COLEC11: variants seen among roughly 807,000 people sequenced by gnomAD.
COLEC11 encodes the protein collectin-11.
In COLEC11, 20 loss-of-function variants were observed where a neutral mutation model predicts 27.3. The ratio of observed to expected loss-of-function variants is 0.73; its 90% CI spans 0.51 to 1.06. The LOEUF (loss-of-function observed/expected upper bound fraction) is 1.06, where lower values mean the gene tolerates loss of function less well. Ranked by LOEUF, COLEC11 falls within the 50% of genes least tolerant of loss-of-function variation. The probability of loss-of-function intolerance (pLI) is 0.00; values close to 1 mark genes in which losing one functional copy is unlikely to be tolerated. For missense variants in COLEC11, 310 were observed against 383.0 expected (o/e 0.81, Z 1.59); for synonymous variants, 163 against 154.7 (o/e 1.05, Z -0.40).
At chr2:3,642,714 T>C (rs1432850410) in intron 5 of COLEC11, among the ~76,000 whole-genome samples, 1 of 152,176 alleles carries the variant, frequency 6.6e-6, no homozygotes, top group Non-Finnish European at 1.5e-5. Flanking sequence ...GATCGCTAGG[T>C]GGTGGGTCTG....
At chr2:3,625,732 A>G (rs7423369) in intron 3 of COLEC11, among the ~76,000 whole-genome samples, 1,635 of 136,518 alleles carry the variant, frequency 0.012, 24 homozygotes, top group African/African-American at 0.042. Flanking sequence ...TCCCGGGTTC[A>G]AGTGATTCTC....
intron 2 of COLEC11, among the ~76,000 whole-genome samples, chr2:3,611,095 C>A (rs1378198835): frequency 6.6e-6 from 1 of 152,258 alleles, no homozygotes; most frequent in Non-Finnish European, 1.5e-5. Flanking sequence ...GCTACTAAAT[C>A]TTCGCAGCCA....
chr2:3,606,893 G>A (rs1407420568), intron 2 of COLEC11, among the ~76,000 whole-genome samples: 1 of 152,218 alleles, frequency 6.6e-6, no homozygotes, highest in African/African-American at 2.4e-5. Context: ...GCGGCACAGT[G>A]CCAGCTTCTA....
chr2:3,640,187 G>A, intron 4 of COLEC11, 91 bp from the exon 5 acceptor site: 1 of 833,070 alleles, frequency 1.2e-6, no homozygotes, highest in Non-Finnish European at 2.1e-6. Context: ...ATAAATCCGC[G>A]AGACAAATCA....
intron 4 of COLEC11, among the ~76,000 whole-genome samples, chr2:3,638,992 A>AAGTT (rs1194542644): frequency 2.7e-4 from 41 of 152,288 alleles, no homozygotes; most frequent in African/African-American, 9.9e-4. Context: ...CAGCCCCGGT[A>AAGTT]ACCTCCAATC....
intron 3 of COLEC11, among the ~76,000 whole-genome samples, chr2:3,614,472 T>C (rs111414962): frequency 0.012 from 1,883 of 152,338 alleles, 18 homozygotes; most frequent in Middle Eastern, 0.027. Context: ...GAGATTACCG[T>C]GCAATCAGTT....
At chr2:3,628,914 C>T (rs1664767774) in intron 3 of COLEC11, among the ~76,000 whole-genome samples, 1 of 152,158 alleles carries the variant, frequency 6.6e-6, no homozygotes, top group Admixed American at 6.5e-5. Context: ...GCGTTCGTGC[C>T]CAGTGTGCCG....
intron 2 of COLEC11, chr2:3,606,331 C>G: frequency 8.5e-7 from 1 of 1,172,248 alleles, no homozygotes; most frequent in South Asian, 1.3e-5. Context: ...TGGGAGGGTC[C>G]TTCCCAGCTG....
rs1038210580 is a variant in COLEC11 at position 3,599,505 on chromosome 2, G to C, written c.-27+4337G>C. 2.6e-5 allele frequency among the ~76,000 whole-genome samples: 4 copies of C among 152,352 alleles called. No individual in the cohort carries two copies. The East Asian group carries it at 5.8e-4, about 22-fold the overall frequency. On this transcript the variant is annotated intron_variant, in intron 1 of 6. Coordinates refer to ENST00000349077, the MANE Select transcript of COLEC11 (RefSeq NM_024027.5). ...ACAGTAGGATCAGGAGCTGCCATTT[G>C]GTGAGCATTTGCTATGTGCCACACT...
intron 1 of COLEC11, 52 bp downstream of exon 1, chr2:3,595,220 G>A (rs140535150): frequency 3.0e-4 from 64 of 212,278 alleles, no homozygotes; most frequent in African/African-American, 1.3e-3. Flanking sequence ...GGCTATGACA[G>A]TGCAGAGGGG....
intron 3 of COLEC11, among the ~76,000 whole-genome samples, chr2:3,626,799 T>C (rs1664588115): frequency 1.3e-5 from 2 of 152,346 alleles, no homozygotes; most frequent in Admixed American, 6.5e-5. Context: ...TTAGGACTTT[T>C]TATACACAAC....
At chr2:3,608,097 C>T (rs1161778139) in intron 2 of COLEC11, among the ~76,000 whole-genome samples, 2 of 152,218 alleles carry the variant, frequency 1.3e-5, no homozygotes, top group Non-Finnish European at 2.9e-5. Flanking sequence ...ATCTTAGGTT[C>T]TCAATAAAAT....
intron 3 of COLEC11, among the ~76,000 whole-genome samples, chr2:3,635,441 G>A (rs886759534): frequency 1.4e-4 from 22 of 152,170 alleles, no homozygotes; most frequent in African/African-American, 4.8e-4. Flanking sequence ...GTCTGATCTC[G>A]CCGCCCTCTT....
At chr2:3,620,842 C>T (rs992757525) in intron 3 of COLEC11, among the ~76,000 whole-genome samples, 7 of 152,112 alleles carry the variant, frequency 4.6e-5, no homozygotes, top group African/African-American at 1.7e-4. Flanking sequence ...TGTGAATTTT[C>T]GTTTTCCTCC....
At chr2:3,607,397 A>G (rs1662809274) in intron 2 of COLEC11, among the ~76,000 whole-genome samples, 1 of 150,764 alleles carries the variant, frequency 6.6e-6, no homozygotes, top group Non-Finnish European at 1.5e-5. Flanking sequence ...TCCCAGAAAT[A>G]TGAAAGGTCA....
At position 3,604,466 on chromosome 2, in the gene COLEC11, C is replaced by A; in HGVS notation, c.126C>A (p.Leu42=). The change falls in exon 2 of 7, where the codon CTC becomes CTA. Residue 42 remains leucine, a synonymous_variant. Transcript: ENST00000349077. The part of the protein sequence containing the change: ...ACSVQILVPG[L]KGDAGEKGDK... ...CTGTGCAGATCCTCGTCCCTGGCCT[C>A]AAAGGTAACCGCTCCCTGGACTCTG... The A allele has an allele frequency of 6.2e-7, 1 of 1,614,078 alleles. No homozygotes were observed. Among genetic ancestry groups the A allele is most frequent in the Non-Finnish European group, 8.5e-7 (1 of 1,180,038 alleles).
intron 3 of COLEC11, among the ~76,000 whole-genome samples, chr2:3,631,612 T>C (rs1045171022): frequency 6.6e-6 from 1 of 152,106 alleles, no homozygotes; most frequent in Non-Finnish European, 1.5e-5. Context: ...TTGGGCCACC[T>C]GTAGCCACCC....
chr2:3,631,312 G>T lies in COLEC11; in HGVS notation c.203-6221G>T, dbSNP rs1186586402. Among the ~76,000 whole-genome samples, 5 of 152,242 alleles carry T rather than the reference G, an allele frequency of 3.3e-5. No individual in the cohort carries two copies. In the East Asian group the frequency reaches 9.6e-4, roughly 29 times the overall value. Reference sequence around the variant, plus strand: ...AACAGTAAAGCAAAGCAGACTGGCCGAGAGCGAAGGTCATGGCAACAGGTT... The same window carrying T: ...AACAGTAAAGCAAAGCAGACTGGCCTAGAGCGAAGGTCATGGCAACAGGTT... On this transcript the variant is annotated intron_variant, in intron 3 of 6. Coordinates refer to ENST00000349077, the MANE Select transcript of COLEC11 (RefSeq NM_024027.5).
At chr2:3,626,349 A>C (rs1664551839) in intron 3 of COLEC11, among the ~76,000 whole-genome samples, 1 of 151,886 alleles carries the variant, frequency 6.6e-6, no homozygotes, top group Non-Finnish European at 1.5e-5. Flanking sequence ...TCGTGGCTCC[A>C]CCACCTGTCA....
Sources: gnomAD v4.1 joint callset for allele counts (sites outside exome capture counted in the v4.1 genomes callset) on GRCh38, gnomAD v4.1.1 for gene constraint, MANE v1.5 for transcripts, NCBI Gene and HGNC (gene_info 2026-07-23, HGNC 2026-07-21) for gene names.